The following CUX1 variants were observed in gnomAD, a reference collection of about 807,000 sequenced individuals.
The protein encoded by CUX1 is cut like homeobox 1, also known as protein CASP.
In CUX1, 31 loss-of-function variants were observed where a neutral mutation model predicts 158.8. That is an observed-to-expected ratio of 0.20 (90% CI 0.15 to 0.26). The LOEUF (loss-of-function observed/expected upper bound fraction) is 0.26, where lower values mean the gene tolerates loss of function less well. CUX1 is among the 10% of genes least tolerant of loss of function. The pLI is 1.00. For missense variants in CUX1, 1,589 were observed against 2,014.6 expected (o/e 0.79, Z 4.04); for synonymous variants, 879 against 862.1 (o/e 1.02, Z -0.34).
At chr7:102,268,093 C>T (rs935480413) in intron 14 of CUX1, among the ~76,000 whole-genome samples, 1 of 152,084 alleles carries the variant, frequency 6.6e-6, no homozygotes, top group African/African-American at 2.4e-5. Flanking sequence ...GGAAGGGGAC[C>T]GTCTTGGGCC....
intron 4 of CUX1, among the ~76,000 whole-genome samples, chr7:102,093,501 A>G (rs1397187492): frequency 6.6e-6 from 1 of 152,204 alleles, no homozygotes; most frequent in Admixed American, 6.5e-5. Context: ...AGCAGAAATC[A>G]TACTGAGAAT....
exon 23 of CUX1, chr7:102,283,169 C>T: frequency 8.5e-7 from 1 of 1,176,534 alleles, no homozygotes; most frequent in Non-Finnish European, 1.3e-6. Flanking sequence ...CTTAGACTCC[C>T]CTGAAGAATC....
At chr7:101,838,857 C>G (rs1168022904) in intron 1 of CUX1, among the ~76,000 whole-genome samples, 1 of 152,116 alleles carries the variant, frequency 6.6e-6, no homozygotes, top group African/African-American at 2.4e-5. Context: ...TCCAGACTGC[C>G]GTAACAGAAT....
At chr7:102,129,561 G>C (rs782208728) in intron 8 of CUX1, among the ~76,000 whole-genome samples, 47 of 152,156 alleles carry the variant, frequency 3.1e-4, no homozygotes, top group Non-Finnish European at 5.1e-4. Flanking sequence ...GTGGGTGCCT[G>C]TAATCCCAGC....
chr7:102,207,605 C>T (rs1344905676), intron 20 of CUX1, among the ~76,000 whole-genome samples: 5 of 152,112 alleles, frequency 3.3e-5, no homozygotes, highest in African/African-American at 1.2e-4. Flanking sequence ...GTACCCATCA[C>T]CACGCCCGGC....
At chr7:101,892,236 G>A (rs1161021862) in intron 1 of CUX1, among the ~76,000 whole-genome samples, 1 of 152,184 alleles carries the variant, frequency 6.6e-6, no homozygotes, top group African/African-American at 2.4e-5. Flanking sequence ...GTTTAGTATC[G>A]TTCCTTTTTC....
At chr7:102,078,732 C>T (rs1393888432) in intron 4 of CUX1, among the ~76,000 whole-genome samples, 1 of 152,166 alleles carries the variant, frequency 6.6e-6, no homozygotes, top group Non-Finnish European at 1.5e-5. Context: ...AACTGGTCTG[C>T]CTTTGTGAAA....
chr7:101,966,464 T>C (rs1811224471), intron 2 of CUX1, among the ~76,000 whole-genome samples: 1 of 152,094 alleles, frequency 6.6e-6, no homozygotes, highest in African/African-American at 2.4e-5. Flanking sequence ...GATGGGCACA[T>C]GGGGACTGGT....
chr7:102,242,205 C>CTTTTTTTTTTTTTTT (rs67514665), intron 23 of CUX1, among the ~76,000 whole-genome samples: 2 of 93,072 alleles, frequency 2.1e-5, no homozygotes, highest in African/African-American at 3.9e-5. Flanking sequence ...TTCTTTCTTT[C>CTTTTTTTTTTTTTTT]TTTTTTTTTT....
chr7:102,158,416 G>A, intron 8 of CUX1, 144 bp from the exon 9 acceptor site: 2 of 673,328 alleles, frequency 3.0e-6, no homozygotes, highest in Non-Finnish European at 5.2e-6. Flanking sequence ...CCCCCAGTGT[G>A]AGCCCACCTC....
At chr7:102,230,312 CA>C (rs1266250458) in intron 21 of CUX1, among the ~76,000 whole-genome samples, 4 of 147,734 alleles carry the variant, frequency 2.7e-5, no homozygotes, top group Admixed American at 6.8e-5. Context: ...CCCGTCTCTA[CA>C]AAAAAAAAAT....
At chr7:102,103,958 T>G (rs2130982141) in intron 5 of CUX1, among the ~76,000 whole-genome samples, 1 of 152,252 alleles carries the variant, frequency 6.6e-6, no homozygotes, top group South Asian at 2.1e-4. Flanking sequence ...AGAAAGTACT[T>G]AAACCCACCT....
In CUX1 at chr7:102,189,836, C is replaced by T. The variant is rs782679604; in HGVS notation, c.1041C>T (p.Gly347=). The change falls in exon 12 of 24, where the codon GGC becomes GGT. Residue 347 remains glycine (G), a synonymous_variant. Transcript: ENST00000292535. ...AGCAACTGGAAGAAAAACTCAAAGG[C>T]CAGGCTGACTATGAAGAGGTGAAGA... ...TLKQLEEKLK[G]QADYEEVKKE... The T allele has an allele frequency of 1.2e-6, 2 of 1,614,260 alleles. No individual in the cohort carries two copies. The highest frequency in any genetic ancestry group is 1.7e-6 in the Non-Finnish European group (2 of 1,180,030).
chr7:102,101,236 C>T (rs1338543308), intron 5 of CUX1, among the ~76,000 whole-genome samples: 1 of 152,224 alleles, frequency 6.6e-6, no homozygotes, highest in East Asian at 1.9e-4. Context: ...AAAGAGGGAA[C>T]TTCTGCCTCA....
rs574382088 is a variant in CUX1, at chr7:102,108,025, A to T, written c.530+3566A>T. Among the ~76,000 whole-genome samples, 73 of 152,334 alleles carry T rather than the reference A, an allele frequency of 4.8e-4. 1 individual carries two copies. The South Asian group carries it at 0.015, about 32-fold the overall frequency. On this transcript the variant is annotated intron_variant, in intron 6 of 23. Transcript: ENST00000292535. ...TTGATACGGATTTGGTCCTAAGTAA[A>T]TGCCTTTTAGGAAAGCACTCCTCAC... is the stretch of plus-strand genomic sequence containing the variant.
chr7:101,974,460 G>A (rs572507880), intron 2 of CUX1, among the ~76,000 whole-genome samples: 7 of 152,192 alleles, frequency 4.6e-5, no homozygotes, highest in South Asian at 2.1e-4. Context: ...ACTAGGAAAC[G>A]AGAGCTTTTA....
chr7:101,868,010 C>T (rs932314429), intron 1 of CUX1, among the ~76,000 whole-genome samples: 1 of 151,950 alleles, frequency 6.6e-6, no homozygotes, highest in African/African-American at 2.4e-5. Flanking sequence ...TGTGCCTGGC[C>T]TCTCTTTTTT....
intron 5 of CUX1, 79 bp from the exon 6 acceptor site, chr7:102,104,257 G>A: frequency 7.1e-7 from 1 of 1,405,950 alleles, no homozygotes; most frequent in Non-Finnish European, 9.7e-7. Context: ...ATCCTACCAG[G>A]TTATGAGAGC....
rs188606114 is a variant in CUX1, at chr7:101,997,012, G to C, written c.142-31086G>C. On this transcript the variant is annotated intron_variant, in intron 2 of 23. Transcript: ENST00000292535. ...ACTCCCCTGCGCTCGTGTGCACTCCGGCCCAGCCTTCAGAGCTGCTTACCT... is the reference window on the plus strand; with the variant it reads ...ACTCCCCTGCGCTCGTGTGCACTCCCGCCCAGCCTTCAGAGCTGCTTACCT... Among the ~76,000 whole-genome samples, 458 of 141,530 alleles carry C rather than the reference G, an allele frequency of 3.2e-3. 9 individuals are homozygous for C. Among genetic ancestry groups the C allele is most frequent in the African/African-American group, 0.014 (445 of 31,494 alleles). 92.8% of individuals were successfully genotyped at this position (141,530 alleles called of 152,430 possible). A position where few individuals can be genotyped will look rare whatever the true frequency, so the allele number is the denominator to read the frequency against.
Sources: allele counts gnomAD v4.1 joint callset (sites outside exome capture counted in the v4.1 genomes callset), GRCh38; gene constraint gnomAD v4.1.1; transcripts MANE v1.5; gene names NCBI Gene and HGNC (gene_info 2026-07-23, HGNC 2026-07-21).